Variants in CHST9 observed in about 807,000 individuals in gnomAD.
The protein encoded by CHST9 is GalNAc-4-sulfotransferase 2.
A neutral mutation model predicts 44.4 loss-of-function variants in CHST9; 41 were observed. The observed-to-expected ratio is 0.92, with a 90% CI of 0.72 to 1.20. The LOEUF is 1.20. Among genes scored for constraint, CHST9 ranks in the 50% most tolerant of loss-of-function variants. CHST9 has a pLI of 0.00. For missense variants in CHST9, 504 were observed against 516.5 expected, an observed-to-expected ratio of 0.98 and a Z score of 0.23; for synonymous variants, 171 against 178.4, an observed-to-expected ratio of 0.96 and a Z score of 0.33.
At chr18:27,157,343 T>C (rs781097773) in intron 1 of CHST9, among the ~76,000 whole-genome samples, 34 of 152,146 alleles carry the variant, frequency 2.2e-4, no homozygotes, top group Non-Finnish European at 3.8e-4. Flanking sequence ...AGTATGTGTA[T>C]ATTCTGAAAT....
chr18:27,155,831 A>C (rs1374653228), intron 1 of CHST9, among the ~76,000 whole-genome samples: 1 of 152,176 alleles, frequency 6.6e-6, no homozygotes, highest in Non-Finnish European at 1.5e-5. Flanking sequence ...TTAAATGGAC[A>C]AATAGTGTTA....
chr18:26,967,287 T>C (rs777719757), intron 4 of CHST9, among the ~76,000 whole-genome samples: 58 of 152,212 alleles, frequency 3.8e-4, no homozygotes, highest in Admixed American at 7.2e-4. Flanking sequence ...AAGGGACTGC[T>C]TATCTAACAT....
At chr18:27,134,242 A>G (rs149026761) in intron 2 of CHST9, among the ~76,000 whole-genome samples, 94 of 152,300 alleles carry the variant, frequency 6.2e-4, no homozygotes, top group African/African-American at 2.1e-3. Context: ...ATATGCCAAA[A>G]ATATGCTTCA....
At chr18:27,076,741 T>A in intron 2 of CHST9, among the ~76,000 whole-genome samples, 1 of 152,190 alleles carries the variant, frequency 6.6e-6, no homozygotes, top group Non-Finnish European at 1.5e-5. Context: ...AAGCTTTGAA[T>A]CCTATGCATC....
chr18:27,159,124 T>C (rs1188736323), intron 1 of CHST9, among the ~76,000 whole-genome samples: 1 of 152,192 alleles, frequency 6.6e-6, no homozygotes, highest in Non-Finnish European at 1.5e-5. Context: ...TTAGATCCCA[T>C]TTGTCAATTT....
At chr18:27,156,440 G>C (rs2058699306) in intron 1 of CHST9, among the ~76,000 whole-genome samples, 1 of 152,094 alleles carries the variant, frequency 6.6e-6, no homozygotes, top group Non-Finnish European at 1.5e-5. Context: ...CAGTACATGA[G>C]TTTTTCATGT....
At chr18:27,122,996 C>A (rs2058387907) in intron 2 of CHST9, among the ~76,000 whole-genome samples, 1 of 152,178 alleles carries the variant, frequency 6.6e-6, no homozygotes, top group Non-Finnish European at 1.5e-5. Flanking sequence ...TTGGCTAAGA[C>A]AATGCAGCTA....
At chr18:27,086,416 C>G (rs2058013008) in intron 2 of CHST9, among the ~76,000 whole-genome samples, 1 of 152,170 alleles carries the variant, frequency 6.6e-6, no homozygotes, top group Non-Finnish European at 1.5e-5. Context: ...ACTTGCAATC[C>G]TAAAACTATC....
chr18:27,080,769 T>C (rs981604831), intron 2 of CHST9, among the ~76,000 whole-genome samples: 1 of 152,326 alleles, frequency 6.6e-6, no homozygotes, highest in East Asian at 1.9e-4. Flanking sequence ...AATGGCAGAA[T>C]GCAGCTCAAC....
In CHST9 at chr18:26,920,772, A is replaced by C. The variant is rs1424032135; in HGVS notation, c.241-3422T>G. ...GTTAAGGTGATGAGAATCTGTGTTT[A>C]AATAAACCTTTGGCAAAAGAGAAAA... On this transcript the variant is annotated intron_variant, in intron 5 of 5. Coordinates refer to ENST00000618847, the MANE Select transcript of CHST9 (RefSeq NM_031422.6). 2.0e-5 allele frequency among the ~76,000 whole-genome samples: 3 copies of C among 152,372 alleles called. No homozygotes were observed. In the East Asian group the frequency reaches 5.8e-4, roughly 29 times the overall value.
rs201605489 is a variant in CHST9, at chr18:27,178,209, AT to A, written c.-97+6926del. 6.8e-3 allele frequency among the ~76,000 whole-genome samples: 1,034 copies of A among 152,074 alleles called. 9 individuals carry two copies. The highest frequency in any genetic ancestry group is 0.016 in the Admixed American group (248 of 15,246). On this transcript the variant is annotated intron_variant, in intron 1 of 5. Coordinates refer to ENST00000618847, the MANE Select transcript of CHST9 (RefSeq NM_031422.6). ...TTTGTCGGAAAAGCTGCCTCTCTTGATTTGGTAAAACATGTCCTTCTATGCA... is the reference window on the plus strand; with the variant it reads ...TTTGTCGGAAAAGCTGCCTCTCTTGATTGGTAAAACATGTCCTTCTATGCA...
chr18:27,126,119 G>A (rs756647310), intron 2 of CHST9, among the ~76,000 whole-genome samples: 21 of 152,234 alleles, frequency 1.4e-4, no homozygotes, highest in African/African-American at 4.1e-4. Flanking sequence ...TGCACTTTTC[G>A]CTCTATGAAA....
intron 4 of CHST9, among the ~76,000 whole-genome samples, chr18:26,987,166 G>A (rs2056763391): frequency 6.6e-6 from 1 of 152,176 alleles, no homozygotes; most frequent in African/African-American, 2.4e-5. Flanking sequence ...ATGACAATAA[G>A]TCAGTTCTAG....
At chr18:27,107,716 CCA>C (rs2058233699) in intron 2 of CHST9, among the ~76,000 whole-genome samples, 1 of 152,110 alleles carries the variant, frequency 6.6e-6, no homozygotes, top group Non-Finnish European at 1.5e-5. Flanking sequence ...ACAGGACATT[CCA>C]CAGAGATAGC....
chr18:27,143,865 C>T lies in CHST9; in HGVS notation c.-96-960G>A, dbSNP rs539643757. ...TATGCGGAGCTTAAATCCTAGATGA[C>T]GGGTTGATAGGTGCAGCAAACCACC... On this transcript the variant is annotated intron_variant, in intron 1 of 5. Transcript: ENST00000618847. Among the ~76,000 whole-genome samples, 11 of 152,142 alleles carry T rather than the reference C, an allele frequency of 7.2e-5. No homozygotes were observed. In the South Asian group the frequency reaches 8.3e-4, roughly 11 times the overall value.
At chr18:27,130,237 CT>C (rs1459571319) in intron 2 of CHST9, among the ~76,000 whole-genome samples, 2 of 152,176 alleles carry the variant, frequency 1.3e-5, no homozygotes, top group Non-Finnish European at 2.9e-5. Context: ...ACTTAACTTG[CT>C]GACTGCCATG....
chr18:27,078,986 G>T (rs1024936424), intron 2 of CHST9, among the ~76,000 whole-genome samples: 1 of 152,162 alleles, frequency 6.6e-6, no homozygotes, highest in African/African-American at 2.4e-5. Context: ...CAAATACTGA[G>T]TACCTCAGTT....
chr18:27,137,466 C>G (rs1001388069), intron 2 of CHST9, among the ~76,000 whole-genome samples: 1 of 151,576 alleles, frequency 6.6e-6, no homozygotes. Flanking sequence ...TCCCAGGCTC[C>G]TGAAACTGAG....
At chr18:27,136,212 GGA>G (rs1598748407) in intron 2 of CHST9, among the ~76,000 whole-genome samples, 1 of 152,274 alleles carries the variant, frequency 6.6e-6, no homozygotes, top group East Asian at 1.9e-4. Context: ...GGCAAGAAAG[GGA>G]GATACCATAG....
Sources: gnomAD v4.1 joint callset for allele counts (sites outside exome capture counted in the v4.1 genomes callset) on GRCh38, gnomAD v4.1.1 for gene constraint, MANE v1.5 for transcripts, NCBI Gene and HGNC (gene_info 2026-07-23, HGNC 2026-07-21) for gene names.